FARS2: variants seen among roughly 807,000 people sequenced by gnomAD.
The protein encoded by FARS2 is phenylalanyl-tRNA synthetase 2, mitochondrial, also known as phenylalanine--tRNA ligase, mitochondrial.
In FARS2, 40 loss-of-function variants were observed where a neutral mutation model predicts 46.4. The observed-to-expected ratio is 0.86, with a 90% confidence interval of 0.67 to 1.12. The LOEUF is 1.12. FARS2 is among the 50% of genes most tolerant of loss of function. The pLI is 0.00. For synonymous variants in FARS2, 234 were observed against 214.9 expected (o/e 1.09, Z -0.78); for missense variants, 513 against 567.9 (o/e 0.90, Z 0.98).
intron 4 of FARS2, among the ~76,000 whole-genome samples, chr6:5,512,239 G>A (rs1768503651): frequency 6.6e-6 from 1 of 152,096 alleles, no homozygotes; most frequent in African/African-American, 2.4e-5. Flanking sequence ...CTGAATTCAG[G>A]CCACACAGCT....
rs139029459 is a variant in FARS2, at chr6:5,520,509, A to G, written c.905-24671A>G. ...AAAAACTTCAAACATTGCACAAAAT[A>G]TAGAGAATAATATAAGAAATACCCT... On this transcript the variant is annotated intron_variant, in intron 4 of 6. Coordinates refer to ENST00000274680, the MANE Select transcript of FARS2 (RefSeq NM_006567.5). 2.6e-5 allele frequency among the ~76,000 whole-genome samples: 4 copies of G among 152,374 alleles called. No individual in the cohort carries two copies. The East Asian group carries it at 5.8e-4, about 22-fold the overall frequency.
chr6:5,600,681 T>A (rs1774460293), intron 5 of FARS2, among the ~76,000 whole-genome samples: 1 of 152,210 alleles, frequency 6.6e-6, no homozygotes, highest in African/African-American at 2.4e-5. Context: ...AAGAACACGA[T>A]CGCATGGGCT....
intron 4 of FARS2, among the ~76,000 whole-genome samples, chr6:5,465,649 C>T (rs560997068): frequency 1.3e-5 from 2 of 152,166 alleles, no homozygotes; most frequent in African/African-American, 4.8e-5. Flanking sequence ...AGCCATGTCT[C>T]TCTAAGTACT....
intron 5 of FARS2, among the ~76,000 whole-genome samples, chr6:5,561,454 T>C (rs1162817967): frequency 6.6e-6 from 1 of 152,148 alleles, no homozygotes; most frequent in Non-Finnish European, 1.5e-5. Context: ...CATAACATTC[T>C]GGAAAGGTAG....
chr6:5,605,134 A>G (rs1002773714), intron 5 of FARS2, among the ~76,000 whole-genome samples: 1 of 152,154 alleles, frequency 6.6e-6, no homozygotes, highest in Non-Finnish European at 1.5e-5. Context: ...CGAAAATGAA[A>G]AAGTCATAAT....
intron 6 of FARS2, among the ~76,000 whole-genome samples, chr6:5,722,058 T>C (rs923340693): frequency 2.0e-5 from 3 of 152,236 alleles, no homozygotes; most frequent in Non-Finnish European, 4.4e-5. Flanking sequence ...TTCTCTTTTT[T>C]TCCAGCTTTA....
intron 4 of FARS2, among the ~76,000 whole-genome samples, chr6:5,508,403 T>C (rs1768227301): frequency 6.6e-6 from 1 of 152,218 alleles, no homozygotes; most frequent in Non-Finnish European, 1.5e-5. Flanking sequence ...AGCAGATAAT[T>C]CAGCAAGAAA....
chr6:5,696,206 G>A (rs765911313), intron 6 of FARS2, among the ~76,000 whole-genome samples: 6 of 152,120 alleles, frequency 3.9e-5, no homozygotes, highest in Non-Finnish European at 7.4e-5. Flanking sequence ...TTTTAATATA[G>A]GTATTCAAAG....
At chr6:5,527,740 A>T (rs989255312) in intron 4 of FARS2, among the ~76,000 whole-genome samples, 1 of 152,248 alleles carries the variant, frequency 6.6e-6, no homozygotes, top group Non-Finnish European at 1.5e-5. Flanking sequence ...TCAAGCAACT[A>T]AAAACAAACC....
intron 6 of FARS2, among the ~76,000 whole-genome samples, chr6:5,770,163 G>A (rs1762960275): frequency 6.6e-6 from 1 of 152,218 alleles, no homozygotes; most frequent in Non-Finnish European, 1.5e-5. Flanking sequence ...GGGACTACCA[G>A]TTTCCAGTGA....
At chr6:5,516,486 G>A (rs887300840) in intron 4 of FARS2, among the ~76,000 whole-genome samples, 9 of 152,144 alleles carry the variant, frequency 5.9e-5, no homozygotes, top group Admixed American at 3.9e-4. Context: ...CCACAGAAGC[G>A]GAGTGCTGTA....
At chr6:5,491,270 T>C (rs1582257022) in intron 4 of FARS2, among the ~76,000 whole-genome samples, 1 of 152,184 alleles carries the variant, frequency 6.6e-6, no homozygotes, top group Admixed American at 6.5e-5. Flanking sequence ...TTTAAAAAAT[T>C]GAGTCATTTT....
intron 4 of FARS2, among the ~76,000 whole-genome samples, chr6:5,457,277 G>A (rs1764952026): frequency 6.6e-6 from 1 of 152,176 alleles, no homozygotes; most frequent in Non-Finnish European, 1.5e-5. Flanking sequence ...CAGGGGGCAT[G>A]GGTATTGAAT....
At chr6:5,701,210 C>T (rs956462806) in intron 6 of FARS2, among the ~76,000 whole-genome samples, 5 of 152,248 alleles carry the variant, frequency 3.3e-5, no homozygotes, top group Admixed American at 6.5e-5. Flanking sequence ...TCGGGATTAC[C>T]GGGCTCTGCC....
chr6:5,692,189 A>ACT (rs1044023181), intron 6 of FARS2, among the ~76,000 whole-genome samples: 28 of 152,118 alleles, frequency 1.8e-4, no homozygotes, highest in African/African-American at 6.8e-4. Context: ...CGCTGCACCC[A>ACT]CTGTTCTGCA....
At chr6:5,551,352 A>T (rs528494283) in intron 5 of FARS2, among the ~76,000 whole-genome samples, 3 of 152,244 alleles carry the variant, frequency 2.0e-5, no homozygotes, top group African/African-American at 7.2e-5. Context: ...GAATATTTGG[A>T]TATTCTCAGA....
intron 6 of FARS2, among the ~76,000 whole-genome samples, chr6:5,622,413 T>C (rs937247493): frequency 5.3e-5 from 8 of 152,358 alleles, no homozygotes; most frequent in African/African-American, 1.9e-4. Context: ...GCCTGTGGCA[T>C]AGTAAGTGCT....
upstream of FARS2, among the ~76,000 whole-genome samples, chr6:5,260,295 T>C (rs1764955446): frequency 6.6e-6 from 1 of 152,246 alleles, no homozygotes; most frequent in Non-Finnish European, 1.5e-5. Flanking sequence ...GTTTTACATA[T>C]GCAACACACT....
intron 1 of FARS2, among the ~76,000 whole-genome samples, chr6:5,271,159 T>C (rs1203171036): frequency 6.6e-6 from 1 of 152,210 alleles, no homozygotes; most frequent in Non-Finnish European, 1.5e-5. Flanking sequence ...TTCAATTTTG[T>C]GCTTTTCTCT....
Sources: allele counts gnomAD v4.1 joint callset (sites outside exome capture counted in the v4.1 genomes callset), GRCh38; gene constraint gnomAD v4.1.1; transcripts MANE v1.5; gene names NCBI Gene and HGNC (gene_info 2026-07-23, HGNC 2026-07-21).